Variants in LINGO2 observed in about 807,000 individuals in gnomAD.
LINGO2 encodes the protein leucine rich repeat and Ig domain containing 2, also known as leucine-rich repeat and immunoglobulin-like domain-containing nogo receptor-interacting protein 2.
LINGO2 carries 14 observed loss-of-function variants against 30.6 expected under a neutral mutation model. That is an observed-to-expected ratio of 0.46 (90% CI 0.30 to 0.72). LINGO2 has a LOEUF of 0.72. Among genes scored for constraint, LINGO2 ranks in the 30% least tolerant of loss-of-function variants. The pLI, the probability that LINGO2 is intolerant of heterozygous loss-of-function variation, is 0.07. For synonymous variants in LINGO2, 317 were observed against 288.5 expected, an observed-to-expected ratio of 1.10 and a Z score of -1.00; for missense variants, 729 against 751.7, an observed-to-expected ratio of 0.97 and a Z score of 0.35.
chr9:28,205,664 C>T (rs146332008), intron 4 of LINGO2, among the ~76,000 whole-genome samples: 2 of 152,120 alleles, frequency 1.3e-5, no homozygotes, highest in African/African-American at 4.8e-5. Flanking sequence ...TTATCCAGAT[C>T]TGACCAGGTA....
chr9:28,814,914 C>T, the LINGO2 span, among the ~76,000 whole-genome samples: 2 of 152,060 alleles, frequency 1.3e-5, no homozygotes, highest in African/African-American at 4.8e-5. Flanking sequence ...GGTAAGGGGG[C>T]CTAGATAAGA....
At chr9:28,412,922 T>C (rs2134826525) in intron 2 of LINGO2, among the ~76,000 whole-genome samples, 1 of 152,196 alleles carries the variant, frequency 6.6e-6, no homozygotes, top group South Asian at 2.1e-4. Context: ...CTCCTCCTCA[T>C]ACTCCTCCTT....
At chr9:28,805,979 T>C in the LINGO2 span, among the ~76,000 whole-genome samples, 1 of 152,198 alleles carries the variant, frequency 6.6e-6, no homozygotes, top group Non-Finnish European at 1.5e-5. Context: ...TTGAAAATTA[T>C]AACTGACAAT....
chr9:28,744,033 G>T, the LINGO2 span, among the ~76,000 whole-genome samples: 1 of 149,860 alleles, frequency 6.7e-6, no homozygotes, highest in Non-Finnish European at 1.5e-5. Context: ...AATCTTTAAT[G>T]ATTTATCTTC....
chr9:28,813,608 C>T, the LINGO2 span, among the ~76,000 whole-genome samples: 1 of 152,240 alleles, frequency 6.6e-6, no homozygotes, highest in Non-Finnish European at 1.5e-5. Context: ...ACAGGAGACA[C>T]ACATTGAACA....
the LINGO2 span, among the ~76,000 whole-genome samples, chr9:29,167,230 T>C: frequency 6.6e-6 from 1 of 152,160 alleles, no homozygotes; most frequent in African/African-American, 2.4e-5. Flanking sequence ...ATAAGAATGC[T>C]TTGAATAAAA....
chr9:28,349,293 G>A (rs1258247232), intron 3 of LINGO2, among the ~76,000 whole-genome samples: 1 of 147,932 alleles, frequency 6.8e-6, no homozygotes, highest in African/African-American at 2.5e-5. Context: ...CCAATACAGA[G>A]AAGTGCTTAA....
chr9:28,799,598 G>GT, the LINGO2 span, among the ~76,000 whole-genome samples: 2 of 152,162 alleles, frequency 1.3e-5, no homozygotes, highest in Non-Finnish European at 2.9e-5. Context: ...GTGCTGAAAT[G>GT]TGTGGGGATT....
the LINGO2 span, among the ~76,000 whole-genome samples, chr9:28,815,016 A>G: frequency 6.6e-6 from 1 of 152,046 alleles, no homozygotes; most frequent in Non-Finnish European, 1.5e-5. Context: ...AGGATCAAAT[A>G]ATAAAATTGA....
intron 5 of LINGO2, among the ~76,000 whole-genome samples, chr9:28,006,402 C>T (rs1822269800): frequency 6.6e-6 from 1 of 151,970 alleles, no homozygotes; most frequent in South Asian, 2.1e-4. Context: ...ATTGCCTTTA[C>T]AAGTGATTTG....
At chr9:28,029,590 A>T (rs1240265564) in intron 4 of LINGO2, among the ~76,000 whole-genome samples, 1 of 152,126 alleles carries the variant, frequency 6.6e-6, no homozygotes, top group East Asian at 1.9e-4. Flanking sequence ...CGTCAAAAAT[A>T]AAATGAAGGA....
At chr9:28,768,898 C>T in the LINGO2 span, among the ~76,000 whole-genome samples, 2 of 151,986 alleles carry the variant, frequency 1.3e-5, no homozygotes, top group South Asian at 2.1e-4. Flanking sequence ...ATAATATATA[C>T]ACATAATGGC....
chr9:28,124,707 G>C (rs1302004339), intron 4 of LINGO2, among the ~76,000 whole-genome samples: 1 of 152,190 alleles, frequency 6.6e-6, no homozygotes, highest in Non-Finnish European at 1.5e-5. Context: ...TATCAAGGCA[G>C]CTGCTAGCAT....
At chr9:28,229,553 G>A (rs1353913405) in intron 4 of LINGO2, among the ~76,000 whole-genome samples, 1 of 151,612 alleles carries the variant, frequency 6.6e-6, no homozygotes, top group Admixed American at 6.6e-5. Flanking sequence ...AAAACAGAAG[G>A]CAAATAGTTA....
chr9:28,561,853 C>T (rs1490019374), intron 1 of LINGO2, among the ~76,000 whole-genome samples: 1 of 149,208 alleles, frequency 6.7e-6, no homozygotes, highest in Non-Finnish European at 1.5e-5. Context: ...CTCCTACAGA[C>T]ATACCTTTAC....
intron 3 of LINGO2, among the ~76,000 whole-genome samples, chr9:28,312,774 G>T (rs190605177): frequency 4.5e-4 from 68 of 152,110 alleles, no homozygotes; most frequent in Non-Finnish European, 7.1e-4. Context: ...TGTCATTGCT[G>T]TTTCCATTTA....
chr9:28,983,761 G>T, the LINGO2 span, among the ~76,000 whole-genome samples: 10 of 151,696 alleles, frequency 6.6e-5, no homozygotes, highest in African/African-American at 1.9e-4. Context: ...AATCTTTACT[G>T]AACAAATTAA....
chr9:28,676,415 T>C, the LINGO2 span, among the ~76,000 whole-genome samples: 1 of 152,158 alleles, frequency 6.6e-6, no homozygotes, highest in African/African-American at 2.4e-5. Flanking sequence ...ACTACTTGAT[T>C]GACTCTCTCT....
intron 1 of LINGO2, among the ~76,000 whole-genome samples, chr9:28,501,247 G>T (rs986264960): frequency 6.6e-6 from 1 of 152,130 alleles, no homozygotes; most frequent in Admixed American, 6.5e-5. Context: ...CTAAAGATAA[G>T]GCAGGGCAGG....
Sources: allele counts gnomAD v4.1 joint callset (sites outside exome capture counted in the v4.1 genomes callset), GRCh38; gene constraint gnomAD v4.1.1; transcripts MANE v1.5; gene names NCBI Gene and HGNC (gene_info 2026-07-23, HGNC 2026-07-21).